Variants in RAB2B observed in about 807,000 individuals in gnomAD.
The protein encoded by RAB2B is RAB2B, member RAS oncogene family.
In RAB2B, 20 loss-of-function variants were observed where a neutral mutation model predicts 29.8. That is an observed-to-expected ratio of 0.67 (90% CI 0.47 to 0.97). The LOEUF is 0.97. Among genes scored for constraint, RAB2B ranks in the 50% least tolerant of loss-of-function variants. The pLI, the probability that RAB2B is intolerant of heterozygous loss-of-function variation, is 0.00. For synonymous variants in RAB2B, 93 were observed against 91.7 expected (o/e 1.01, Z -0.08); for missense variants, 218 against 272.0 (o/e 0.80, Z 1.40).
intron 5 of RAB2B, among the ~76,000 whole-genome samples, chr14:21,464,209 G>A (rs10149219): frequency 8.6e-4 from 131 of 152,276 alleles, no homozygotes; most frequent in African/African-American, 2.9e-3. Flanking sequence ...AGACCAGCCT[G>A]GCCAAGATGG....
intron 3 of RAB2B, among the ~76,000 whole-genome samples, chr14:21,474,047 C>A (rs1890885907): frequency 6.6e-6 from 1 of 151,922 alleles, no homozygotes; most frequent in Non-Finnish European, 1.5e-5. Context: ...AAACATTAGC[C>A]ACGTGTGGTG....
At chr14:21,462,025 C>T (rs1249354119) in intron 7 of RAB2B, among the ~76,000 whole-genome samples, 1 of 152,110 alleles carries the variant, frequency 6.6e-6, no homozygotes, top group Non-Finnish European at 1.5e-5. Context: ...AAATTACTCT[C>T]CTAAGCAATT....
At position 21,469,954 on chromosome 14, in the gene RAB2B, TTTTC is replaced by T. The variant is rs200879079; in HGVS notation, c.187-1206_187-1203del. ...GCCGATATTATTATTCCCTTTTTTT[TTTTC>T]TTTTTTTTTTTGAGAGGGAGTCTCG... On this transcript the variant is annotated intron_variant, in intron 3 of 7. Transcript: ENST00000397762. Among the ~76,000 whole-genome samples the T allele has an allele frequency of 4.8e-3, 686 of 143,850 alleles. 14 individuals are homozygous for T. Among genetic ancestry groups the T allele is most frequent in the African/African-American group, 0.019 (636 of 34,084 alleles). The allele number at this position is 143,850 out of a possible 152,430, so 94.4% of individuals were successfully genotyped here. A position where few individuals can be genotyped will look rare whatever the true frequency, so the allele number is the denominator to read the frequency against.
chr14:21,473,808 C>T (rs983104571), intron 3 of RAB2B, among the ~76,000 whole-genome samples: 5 of 151,682 alleles, frequency 3.3e-5, no homozygotes, highest in Non-Finnish European at 4.4e-5. Flanking sequence ...GTCAGGAGAT[C>T]GAGACCATGC....
intron 5 of RAB2B, among the ~76,000 whole-genome samples, chr14:21,463,978 A>T (rs1249420626): frequency 6.6e-6 from 1 of 152,238 alleles, no homozygotes; most frequent in African/African-American, 2.4e-5. Flanking sequence ...ATAGTTGAAG[A>T]TAATACCTCA....
intron 5 of RAB2B, among the ~76,000 whole-genome samples, chr14:21,464,332 G>A (rs58843845): frequency 0.035 from 5,347 of 152,186 alleles, 315 homozygotes; most frequent in African/African-American, 0.12. Flanking sequence ...CATGGGAGGC[G>A]GAAGTTGCAG....
chr14:21,471,693 T>G (rs886709983), intron 3 of RAB2B, among the ~76,000 whole-genome samples: 4 of 150,046 alleles, frequency 2.7e-5, no homozygotes, highest in African/African-American at 7.3e-5. Context: ...TTTTTTTTTT[T>G]GAGAGGGAGT....
At chr14:21,467,346 A>G (rs1352446598) in intron 5 of RAB2B, among the ~76,000 whole-genome samples, 2 of 152,164 alleles carry the variant, frequency 1.3e-5, no homozygotes, top group Non-Finnish European at 2.9e-5. Context: ...TTTTGTATAA[A>G]CAAGGTCTCA....
At chr14:21,470,107 C>A (rs1890773996) in intron 3 of RAB2B, among the ~76,000 whole-genome samples, 1 of 151,908 alleles carries the variant, frequency 6.6e-6, no homozygotes, top group African/African-American at 2.4e-5. Flanking sequence ...CGCCCACCAC[C>A]ATGCCTGGCT....
chr14:21,467,992 G>A (rs1890722964), intron 5 of RAB2B, among the ~76,000 whole-genome samples: 1 of 152,058 alleles, frequency 6.6e-6, no homozygotes, highest in African/African-American at 2.4e-5. Context: ...CTTGTATGAG[G>A]TACCAGTAGT....
chr14:21,471,948 T>C (rs920682061), intron 3 of RAB2B, among the ~76,000 whole-genome samples: 1 of 152,142 alleles, frequency 6.6e-6, no homozygotes, highest in African/African-American at 2.4e-5. Context: ...AGTGCTGGAA[T>C]TACAGGCATG....
chr14:21,476,295 G>T, intron 2 of RAB2B: 1 of 451,000 alleles, frequency 2.2e-6, no homozygotes, highest in Non-Finnish European at 4.0e-6. Flanking sequence ...AAAATTATAT[G>T]ACGAGTCTAT....
At chr14:21,466,908 A>G (rs1403304495) in intron 5 of RAB2B, among the ~76,000 whole-genome samples, 1 of 144,096 alleles carries the variant, frequency 6.9e-6, no homozygotes, top group Non-Finnish European at 1.5e-5. Flanking sequence ...TAAGAATGAA[A>G]TAATTTTTTT....
intron 7 of RAB2B, 101 bp downstream of exon 7, chr14:21,462,249 T>A: frequency 2.1e-6 from 2 of 951,518 alleles, no homozygotes; most frequent in Non-Finnish European, 3.1e-6. Context: ...TTTTAAATTG[T>A]ATAATGATAG....
intron 3 of RAB2B, 77 bp from the exon 4 acceptor site, chr14:21,468,829 C>A: frequency 1.2e-6 from 1 of 827,522 alleles, no homozygotes; most frequent in Non-Finnish European, 1.8e-6. Context: ...TCACATGCCA[C>A]CCTAATACAA....
intron 3 of RAB2B, among the ~76,000 whole-genome samples, chr14:21,469,490 T>C (rs561900821): frequency 6.6e-6 from 1 of 152,230 alleles, no homozygotes; most frequent in Non-Finnish European, 1.5e-5. Flanking sequence ...TCATTTCCAG[T>C]TGGACAAAGA....
At chr14:21,462,844 A>AG (rs1890594973) in intron 6 of RAB2B, among the ~76,000 whole-genome samples, 3 of 151,734 alleles carry the variant, frequency 2.0e-5, no homozygotes, top group African/African-American at 7.3e-5. Context: ...TCTAAAAAAA[A>AG]AAAAAAAAAA....
At position 21,476,902 on chromosome 14, in the gene RAB2B, CCCGACTTCTATAGCCACTTACCT is replaced by C. The variant is rs1237107323; in HGVS notation, c.-53_-31del. 1.1e-5 allele frequency: 18 copies of C among 1,612,446 alleles called. No individual in the cohort carries two copies. The highest frequency in any genetic ancestry group is 1.5e-5 in the Non-Finnish European group (18 of 1,179,756). On this transcript the variant is annotated 5_prime_UTR_variant, in exon 1 of 8. Transcript: ENST00000397762. The stretch of plus-strand genomic sequence containing the variant: ...TCGCGTCCTCTGGGTTCCGGGTCCG[CCCGACTTCTATAGCCACTTACCT>C]CCGACCTCTCTAGCCACTCAATCTA...
intron 5 of RAB2B, among the ~76,000 whole-genome samples, chr14:21,468,131 T>G (rs1204361805): frequency 2.0e-5 from 3 of 152,126 alleles, no homozygotes; most frequent in African/African-American, 7.2e-5. Context: ...TGGAGATGGA[T>G]GTTGGTGATG....
Sources: gnomAD v4.1 joint callset for allele counts (sites outside exome capture counted in the v4.1 genomes callset) on GRCh38, gnomAD v4.1.1 for gene constraint, MANE v1.5 for transcripts, NCBI Gene and HGNC (gene_info 2026-07-23, HGNC 2026-07-21) for gene names.